Variants in EGFR observed in about 807,000 individuals in gnomAD.
The protein encoded by EGFR is epidermal growth factor receptor.
EGFR carries 58 observed loss-of-function variants against 143.0 expected under a neutral mutation model. The observed-to-expected ratio is 0.41, with a 90% CI of 0.33 to 0.50. EGFR has a LOEUF of 0.50. Among genes scored for constraint, EGFR ranks in the 20% least tolerant of loss-of-function variants. EGFR has a pLI of 0.39. For missense variants in EGFR, 1,307 were observed against 1,579.0 expected (o/e 0.83, Z 2.92); for synonymous variants, 613 against 594.4 (o/e 1.03, Z -0.45).
chr7:55,046,165 C>T (rs1032257777), intron 1 of EGFR, among the ~76,000 whole-genome samples: 3 of 152,122 alleles, frequency 2.0e-5, no homozygotes, highest in African/African-American at 7.2e-5. Context: ...TGGGGAGGTT[C>T]TCAGAAACAT....
chr7:55,056,713 T>C (rs1046931005), intron 1 of EGFR, among the ~76,000 whole-genome samples: 1 of 152,238 alleles, frequency 6.6e-6, no homozygotes, highest in Non-Finnish European at 1.5e-5. Context: ...GCAATATTTG[T>C]TGAGTGACTG....
At chr7:55,181,694 C>T in intron 20 of EGFR, 1 of 625,042 alleles carries the variant, frequency 1.6e-6, no homozygotes, top group Non-Finnish European at 2.8e-6. Flanking sequence ...CATCAATCAG[C>T]TACCTTTGAA....
rs1345851089 is a variant in EGFR, at chr7:55,201,290, C to T, written c.3049C>T (p.Leu1017Phe). The change falls in exon 25 of 28, where the codon CTC (leucine) becomes TTC (phenylalanine). Residue 1017 changes from leucine (L) to phenylalanine (F), a missense_variant. Physicochemically the swap from Leu to Phe is conservative, Grantham distance 22. Around this residue, in one of 7 missense-constraint regions of EGFR, gnomAD observed 313 missense variants for 312.3 expected, o/e 1.00. Coordinates refer to ENST00000275493, the MANE Select transcript of EGFR (RefSeq NM_005228.5). ...MDDVVDADEY[L>F]IPQQGFFSSP... ...CGACGTGGTGGATGCCGACGAGTACCTCATCCCACAGCAGGGCTTCTTCAG... is the reference window on the plus strand; with the variant it reads ...CGACGTGGTGGATGCCGACGAGTACTTCATCCCACAGCAGGGCTTCTTCAG... 1 of 1,613,900 alleles carries T rather than the reference C, an allele frequency of 6.2e-7. No homozygotes were observed. The highest frequency in any genetic ancestry group is 8.5e-7 in the Non-Finnish European group (1 of 1,179,946).
chr7:55,028,025 T>TATATAC (rs869080650), intron 1 of EGFR, among the ~76,000 whole-genome samples: 29 of 101,594 alleles, frequency 2.9e-4, no homozygotes, highest in East Asian at 6.1e-4. Flanking sequence ...TATATATATA[T>TATATAC]ACACACACAC....
rs1431178420 is a variant in EGFR, at chr7:55,142,536, A to G, written c.240+99A>G. ...CACTTGAAGTGTGTTTATTTTTGCT[A>G]TGGCAATGACAAGTCTTACAGAGCT... On this transcript the variant is annotated intron_variant, in intron 2 of 27. Transcript: ENST00000275493. 6.7e-6 allele frequency: 10 copies of G among 1,488,742 alleles called. No individual in the cohort carries two copies. In the East Asian group the frequency reaches 2.0e-4, roughly 30 times the overall value. 92.2% of individuals were successfully genotyped at this position (1,488,742 alleles called of 1,614,324 possible).
Position 55,163,974 on chromosome 7 carries a change from C to T in EGFR, c.1722+151C>T, listed in dbSNP as rs1233043731. The T allele has an allele frequency of 4.9e-6, 4 of 821,522 alleles. No homozygotes were observed. The South Asian group carries it at 5.6e-5, about 11-fold the overall frequency. 50.9% of individuals were successfully genotyped at this position (821,522 alleles called of 1,614,324 possible). ...GACGGCAGGCGCTGACAGCGCTGTC[C>T]GGGCAGGGTGTCGGTGACATTAGCA... On this transcript the variant is annotated intron_variant, in intron 14 of 27. Transcript: ENST00000275493.
intron 22 of EGFR, among the ~76,000 whole-genome samples, chr7:55,196,108 C>T (rs777558258): frequency 1.3e-5 from 2 of 150,660 alleles, no homozygotes; most frequent in Non-Finnish European, 3.0e-5. Context: ...AATAATTGAA[C>T]TAATTTACAT....
intron 19 of EGFR, among the ~76,000 whole-genome samples, chr7:55,176,893 A>C (rs1240584650): frequency 6.8e-6 from 1 of 146,938 alleles, no homozygotes; most frequent in African/African-American, 2.5e-5. Flanking sequence ...ATATTTAGAG[A>C]TATATATCTC....
At chr7:55,068,585 T>A (rs1020174772) in intron 1 of EGFR, among the ~76,000 whole-genome samples, 2 of 152,190 alleles carry the variant, frequency 1.3e-5, no homozygotes, top group East Asian at 3.8e-4. Flanking sequence ...TCCGTGAGGA[T>A]CTGCTCCTGG....
At chr7:55,106,202 T>C (rs1045954745) in intron 1 of EGFR, among the ~76,000 whole-genome samples, 1 of 152,206 alleles carries the variant, frequency 6.6e-6, no homozygotes, top group African/African-American at 2.4e-5. Context: ...GATAGTACAG[T>C]GCCTGCAATC....
At chr7:55,181,248 G>A (rs2128958104) in intron 19 of EGFR, 45 bp from the exon 20 acceptor site, 1 of 1,609,958 alleles carries the variant, frequency 6.2e-7, no homozygotes, top group Non-Finnish European at 8.5e-7. Context: ...CCCTCCTTCT[G>A]GCCACCATGC....
intron 1 of EGFR, among the ~76,000 whole-genome samples, chr7:55,061,389 A>C (rs540109423): frequency 6.6e-6 from 1 of 152,256 alleles, no homozygotes; most frequent in African/African-American, 2.4e-5. Flanking sequence ...CCCCATATAC[A>C]TAATCCCAGT....
At position 55,202,553 on chromosome 7, in the gene EGFR, C is replaced by A. The variant is rs778095401; in HGVS notation, c.3199C>A (p.Gln1067Lys). 8 of 1,612,740 alleles carry A rather than the reference C, an allele frequency of 5.0e-6. No homozygotes were observed. Among genetic ancestry groups the A allele is most frequent in the Non-Finnish European group, 5.9e-6 (7 of 1,179,410 alleles). The change falls in exon 27 of 28, where the codon CAG (glutamine) becomes AAG (lysine). Residue 1067 changes from glutamine to lysine, a missense_variant. Physicochemically the swap from Gln to Lys is moderately conservative, Grantham distance 53 (BLOSUM62 1). Around this residue, in one of 7 missense-constraint regions of EGFR, gnomAD observed 313 missense variants for 312.3 expected, o/e 1.00. Coordinates refer to ENST00000275493, the MANE Select transcript of EGFR (RefSeq NM_005228.5). Reference sequence around the variant, plus strand: ...TCCCATCAAGGAAGACAGCTTCTTGCAGCGATACAGCTCAGACCCCACAGG... The same window carrying A: ...TCCCATCAAGGAAGACAGCTTCTTGAAGCGATACAGCTCAGACCCCACAGG... ...SCPIKEDSFL[Q>K]RYSSDPTGAL...
chr7:55,138,401 T>G (rs1385131395), intron 1 of EGFR, among the ~76,000 whole-genome samples: 2 of 152,222 alleles, frequency 1.3e-5, no homozygotes, highest in Non-Finnish European at 2.9e-5. Context: ...ACTCTTTCTT[T>G]GAATCAACTA....
chr7:55,146,539 C>A (rs1794769709), intron 3 of EGFR, 67 bp from the exon 4 acceptor site: 2 of 1,608,554 alleles, frequency 1.2e-6, no homozygotes, highest in Non-Finnish European at 1.7e-6. Flanking sequence ...GCGAAGAGCA[C>A]ATGCATCCTT....
intron 3 of EGFR, among the ~76,000 whole-genome samples, chr7:55,144,434 G>A (rs985583917): frequency 6.6e-5 from 10 of 152,360 alleles, no homozygotes; most frequent in East Asian, 3.9e-4. Flanking sequence ...GCCCCAGGGC[G>A]CTCAACGCCC....
chr7:55,143,173 T>A (rs1303160919), intron 2 of EGFR, 132 bp from the exon 3 acceptor site: 1 of 858,448 alleles, frequency 1.2e-6, no homozygotes, highest in Admixed American at 2.0e-5. Context: ...CGTCTACCTA[T>A]TTTACAGTTG....
chr7:55,082,263 G>A (rs570015829), intron 1 of EGFR, among the ~76,000 whole-genome samples: 70 of 152,204 alleles, frequency 4.6e-4, no homozygotes, highest in Non-Finnish European at 6.6e-4. Context: ...GAGAAAAAAG[G>A]TAGTCCTTGA....
rs559949360 is a variant in EGFR, at chr7:55,020,041, A to G, written c.88+676A>G. Reference sequence around the variant, plus strand: ...TGTGGAGTCGCAGCCTCGACCTGGGAGCTGGGAGAACTCGTCTACCACCAC... The same window carrying G: ...TGTGGAGTCGCAGCCTCGACCTGGGGGCTGGGAGAACTCGTCTACCACCAC... On this transcript the variant is annotated intron_variant, in intron 1 of 27. Transcript: ENST00000275493. Among the ~76,000 whole-genome samples the G allele has an allele frequency of 2.2e-4, 33 of 152,258 alleles. No homozygotes were observed. The East Asian group carries it at 6.4e-3, about 30-fold the overall frequency.
Sources: allele counts gnomAD v4.1 joint callset (sites outside exome capture counted in the v4.1 genomes callset), GRCh38; gene constraint gnomAD v4.1.1; regional missense constraint gnomAD v4.1.1; transcripts MANE v1.5; gene names NCBI Gene and HGNC (gene_info 2026-07-23, HGNC 2026-07-21).